FBXL7: variants seen among roughly 807,000 people sequenced by gnomAD.
FBXL7 encodes F-box and leucine rich repeat protein 7, also known as F-box/LRR-repeat protein 7.
Under a neutral mutation model 38.3 loss-of-function variants are expected in FBXL7, and 12 were observed. That is an observed-to-expected ratio of 0.31 (90% CI 0.20 to 0.51). The LOEUF (loss-of-function observed/expected upper bound fraction) is 0.51, where lower values mean the gene tolerates loss of function less well. Ranked by LOEUF, FBXL7 falls within the 20% of genes least tolerant of loss-of-function variation. FBXL7 has a pLI of 0.98. For missense variants in FBXL7, 567 were observed against 676.4 expected (o/e 0.84, Z 1.79); for synonymous variants, 297 against 300.9 (o/e 0.99, Z 0.13).
chr5:15,600,648 T>C (rs1739762676), intron 1 of FBXL7, among the ~76,000 whole-genome samples: 1 of 152,350 alleles, frequency 6.6e-6, no homozygotes, highest in South Asian at 2.1e-4. Flanking sequence ...ATCTTAAAAT[T>C]GTTTTGCATT....
At chr5:15,594,346 G>A (rs1580391735) in intron 1 of FBXL7, among the ~76,000 whole-genome samples, 1 of 152,184 alleles carries the variant, frequency 6.6e-6, no homozygotes, top group East Asian at 1.9e-4. Context: ...AGTTGAAAAG[G>A]TTAAAAGTGT....
At chr5:15,697,541 G>A (rs906509424) in intron 2 of FBXL7, among the ~76,000 whole-genome samples, 15 of 151,970 alleles carry the variant, frequency 9.9e-5, no homozygotes, top group African/African-American at 3.1e-4. Flanking sequence ...GGGATAATAC[G>A]TTGAATGGGC....
At chr5:15,789,929 A>G (rs1355527345) in intron 2 of FBXL7, among the ~76,000 whole-genome samples, 4 of 152,158 alleles carry the variant, frequency 2.6e-5, no homozygotes, top group African/African-American at 7.2e-5. Context: ...GCCTGGGTGA[A>G]TTAGTGAGGG....
intron 2 of FBXL7, among the ~76,000 whole-genome samples, chr5:15,926,511 TATATC>T (rs991389293): frequency 1.5e-4 from 23 of 150,630 alleles, no homozygotes; most frequent in African/African-American, 5.6e-4. Flanking sequence ...ATATCAAAAA[TATATC>T]ATATGCAATT....
intron 2 of FBXL7, among the ~76,000 whole-genome samples, chr5:15,900,542 A>G (rs749530224): frequency 4.6e-5 from 7 of 152,178 alleles, no homozygotes; most frequent in Non-Finnish European, 8.8e-5. Context: ...TCTCAATGAA[A>G]TTCTTTATAA....
At chr5:15,571,956 C>T (rs1252778424) in intron 1 of FBXL7, among the ~76,000 whole-genome samples, 1 of 152,066 alleles carries the variant, frequency 6.6e-6, no homozygotes, top group Non-Finnish European at 1.5e-5. Context: ...ACAGAATTAG[C>T]CCAGAATTAT....
chr5:15,827,554 G>T (rs1416170717), intron 2 of FBXL7, among the ~76,000 whole-genome samples: 3 of 152,122 alleles, frequency 2.0e-5, no homozygotes, highest in African/African-American at 7.2e-5. Flanking sequence ...TCTGGTGAGG[G>T]CCTTCTTGAT....
intron 2 of FBXL7, among the ~76,000 whole-genome samples, chr5:15,641,941 T>C (rs1047314164): frequency 7.1e-6 from 1 of 141,522 alleles, no homozygotes; most frequent in South Asian, 2.5e-4. Context: ...ACATAAAACC[T>C]TGTGTGTGTG....
chr5:15,930,109 G>T (rs1728502191), intron 3 of FBXL7, among the ~76,000 whole-genome samples: 4 of 152,256 alleles, frequency 2.6e-5, no homozygotes, highest in Non-Finnish European at 5.9e-5. Context: ...TACTTCAGTT[G>T]GCTTCAAGAC....
intron 1 of FBXL7, among the ~76,000 whole-genome samples, chr5:15,599,351 G>A (rs558386113): frequency 6.6e-6 from 1 of 152,246 alleles, no homozygotes; most frequent in East Asian, 1.9e-4. Flanking sequence ...ATATGTGTGT[G>A]TGTTTGTATG....
intron 1 of FBXL7, among the ~76,000 whole-genome samples, chr5:15,578,393 G>T (rs920449196): frequency 3.0e-4 from 45 of 152,252 alleles, no homozygotes; most frequent in African/African-American, 9.9e-4. Context: ...GAAAAACAGT[G>T]GTGCTTGTAT....
chr5:15,714,106 T>A (rs910883167), intron 2 of FBXL7, among the ~76,000 whole-genome samples: 1 of 152,184 alleles, frequency 6.6e-6, no homozygotes, highest in Non-Finnish European at 1.5e-5. Context: ...CAATGTGATA[T>A]GGTTTGGAAG....
At chr5:15,716,607 A>G (rs1744049910) in intron 2 of FBXL7, among the ~76,000 whole-genome samples, 1 of 152,154 alleles carries the variant, frequency 6.6e-6, no homozygotes, top group Admixed American at 6.5e-5. Context: ...TCGGGTCTGT[A>G]TATGGGCTAG....
chr5:15,664,469 C>CTTTTTTTTTTTTTTTTTTTTTTTTTTTCT (rs34999340), intron 2 of FBXL7, among the ~76,000 whole-genome samples: 3 of 105,548 alleles, frequency 2.8e-5, no homozygotes, highest in Admixed American at 1.1e-4. Context: ...TTTTCTTTTC[C>CTTTTTTTTTTTTTTTTTTTTTTTTTTTCT]TTTTTTTTTT....
At chr5:15,567,232 G>A (rs554436161) in intron 1 of FBXL7, among the ~76,000 whole-genome samples, 3 of 152,228 alleles carry the variant, frequency 2.0e-5, no homozygotes, top group African/African-American at 7.2e-5. Context: ...GTTTCCTGAT[G>A]TGTAAGATGA....
At chr5:15,534,151 A>G (rs1021004778) in intron 1 of FBXL7, among the ~76,000 whole-genome samples, 3 of 152,178 alleles carry the variant, frequency 2.0e-5, no homozygotes, top group African/African-American at 4.8e-5. Flanking sequence ...TGTTTGTTAC[A>G]ATCAGTAAAC....
chr5:15,619,383 A>G (rs530928151), intron 2 of FBXL7, among the ~76,000 whole-genome samples: 1 of 152,232 alleles, frequency 6.6e-6, no homozygotes, highest in South Asian at 2.1e-4. Context: ...CGACATTTCT[A>G]GTTGGGGTGG....
rs1007610006 is a variant in FBXL7, at chr5:15,670,947, C to T, written c.127+54875C>T. The stretch of plus-strand genomic sequence containing the variant: ...TCAGTCTTTCCAAACATCCTCAGCT[C>T]TTATACCCTGGTGGAGCTAAGTGAA... On this transcript the variant is annotated intron_variant, in intron 2 of 3. Coordinates refer to ENST00000504595, the MANE Select transcript of FBXL7 (RefSeq NM_012304.5). Among the ~76,000 whole-genome samples, 5 of 152,284 alleles carry T rather than the reference C, an allele frequency of 3.3e-5. No individual in the cohort carries two copies. In the East Asian group the frequency reaches 7.7e-4, roughly 23 times the overall value.
At chr5:15,693,099 C>T (rs938947569) in intron 2 of FBXL7, among the ~76,000 whole-genome samples, 10 of 152,082 alleles carry the variant, frequency 6.6e-5, no homozygotes, top group African/African-American at 2.2e-4. Context: ...GTCAGAGGAA[C>T]GATGTGGTCT....
Sources: allele counts gnomAD v4.1 joint callset (sites outside exome capture counted in the v4.1 genomes callset), GRCh38; gene constraint gnomAD v4.1.1; transcripts MANE v1.5; gene names NCBI Gene and HGNC (gene_info 2026-07-23, HGNC 2026-07-21).